The following MDGA2 variants were observed in gnomAD, a reference collection of about 807,000 sequenced individuals.
MDGA2 encodes MAM domain-containing glycosylphosphatidylinositol anchor protein 2.
A neutral mutation model predicts 117.8 loss-of-function variants in MDGA2; 40 were observed. The ratio of observed to expected loss-of-function variants is 0.34; its 90% confidence interval spans 0.26 to 0.44. The LOEUF (loss-of-function observed/expected upper bound fraction) is 0.44, where lower values mean the gene tolerates loss of function less well. Ranked by LOEUF, MDGA2 falls within the 20% of genes least tolerant of loss-of-function variation. The pLI, the probability that MDGA2 is intolerant of heterozygous loss-of-function variation, is 1.00. For synonymous variants in MDGA2, 452 were observed against 439.0 expected (o/e 1.03, Z -0.37); for missense variants, 1,123 against 1,250.6 (o/e 0.90, Z 1.54).
intron 1 of MDGA2, among the ~76,000 whole-genome samples, chr14:47,316,368 C>T (rs577919084): frequency 6.4e-4 from 98 of 152,002 alleles, no homozygotes; most frequent in Non-Finnish European, 1.1e-3. Flanking sequence ...AAAAATAAAC[C>T]GCAACTTTAT....
At chr14:47,200,852 T>C (rs966435877) in intron 3 of MDGA2, 12 of 835,048 alleles carry the variant, frequency 1.4e-5, no homozygotes, top group African/African-American at 6.7e-5. Flanking sequence ...TTTCTTGTCA[T>C]AGGGCGGTGG....
chr14:46,923,340 A>G (rs1453693114), intron 9 of MDGA2, among the ~76,000 whole-genome samples: 2 of 152,104 alleles, frequency 1.3e-5, no homozygotes, highest in Admixed American at 6.6e-5. Context: ...TACTTTAGAG[A>G]TTATTTCAAT....
chr14:47,552,588 T>C (rs1281230855), intron 1 of MDGA2, among the ~76,000 whole-genome samples: 1 of 152,108 alleles, frequency 6.6e-6, no homozygotes, highest in African/African-American at 2.4e-5. Context: ...TTTATAATGG[T>C]CCAAACCATC....
At chr14:47,154,254 T>C in intron 3 of MDGA2, among the ~76,000 whole-genome samples, 1 of 152,342 alleles carries the variant, frequency 6.6e-6, no homozygotes, top group South Asian at 2.1e-4. Context: ...TATTTTTTAG[T>C]AAATAATTAT....
intron 3 of MDGA2, among the ~76,000 whole-genome samples, chr14:47,180,568 C>T (rs900112390): frequency 5.3e-5 from 8 of 151,914 alleles, no homozygotes; most frequent in African/African-American, 1.2e-4. Flanking sequence ...AGAAAGCACA[C>T]GAAAAAAAGC....
intron 2 of MDGA2, among the ~76,000 whole-genome samples, chr14:47,279,308 G>A (rs1389793351): frequency 1.3e-5 from 2 of 151,918 alleles, no homozygotes; most frequent in Non-Finnish European, 2.9e-5. Context: ...TTTTTATCAG[G>A]CTTATTAATA....
chr14:47,592,231 G>T (rs573104349), intron 1 of MDGA2, among the ~76,000 whole-genome samples: 24 of 152,158 alleles, frequency 1.6e-4, no homozygotes, highest in African/African-American at 5.3e-4. Context: ...ACTGCTCAAG[G>T]AAATCAAAGA....
At chr14:47,615,228 A>C (rs1346128214) in intron 1 of MDGA2, among the ~76,000 whole-genome samples, 4 of 152,208 alleles carry the variant, frequency 2.6e-5, no homozygotes, top group Non-Finnish European at 4.4e-5. Context: ...TTAATAAAAA[A>C]AGATTCAGAA....
intron 2 of MDGA2, among the ~76,000 whole-genome samples, chr14:47,265,638 TA>T (rs11325423): frequency 0.22 from 31,194 of 142,138 alleles, 3,565 homozygotes; most frequent in Admixed American, 0.39. Flanking sequence ...GGGAATGCAT[TA>T]AAAAAAAAAA....
chr14:47,108,318 C>T (rs1279994823), intron 5 of MDGA2, among the ~76,000 whole-genome samples: 1 of 152,144 alleles, frequency 6.6e-6, no homozygotes, highest in Non-Finnish European at 1.5e-5. Flanking sequence ...GCAGGAATAT[C>T]AGGCCTCTGA....
chr14:47,345,330 C>T (rs1467622651), intron 1 of MDGA2, among the ~76,000 whole-genome samples: 38 of 151,990 alleles, frequency 2.5e-4, no homozygotes, highest in Admixed American at 2.2e-3. Flanking sequence ...CCCACACATG[C>T]TATAAATAGG....
intron 1 of MDGA2, among the ~76,000 whole-genome samples, chr14:47,322,091 C>T (rs993820632): frequency 3.9e-5 from 6 of 151,994 alleles, no homozygotes; most frequent in East Asian, 1.9e-4. Flanking sequence ...AGAGACAGAG[C>T]GATTCCCAGA....
intron 6 of MDGA2, among the ~76,000 whole-genome samples, chr14:47,087,446 G>A (rs2138925737): frequency 7.8e-6 from 1 of 127,566 alleles, no homozygotes; most frequent in South Asian, 2.4e-4. Context: ...AAACACAAGA[G>A]GCAGACTCCA....
intron 3 of MDGA2, among the ~76,000 whole-genome samples, chr14:47,173,707 A>G (rs1342396411): frequency 2.6e-5 from 4 of 151,718 alleles, no homozygotes; most frequent in African/African-American, 4.8e-5. Flanking sequence ...GCCAAAATGT[A>G]AAGACCATCA....
chr14:47,321,881 C>A (rs1198579854), intron 1 of MDGA2, among the ~76,000 whole-genome samples: 1 of 152,106 alleles, frequency 6.6e-6, no homozygotes, highest in African/African-American at 2.4e-5. Context: ...AAGAATGTTT[C>A]TTTAATAATT....
intron 6 of MDGA2, among the ~76,000 whole-genome samples, chr14:47,076,050 A>G (rs1234163161): frequency 6.6e-6 from 1 of 152,160 alleles, no homozygotes. Flanking sequence ...AAACTAGTGA[A>G]GAAAACTGAC....
rs544493594 is a variant in MDGA2, at chr14:47,675,540, C to T, written c.-744G>A. Among the ~76,000 whole-genome samples the T allele has an allele frequency of 9.9e-5, 15 of 152,112 alleles. No individual in the cohort carries two copies. Among genetic ancestry groups the T allele is most frequent in the Non-Finnish European group, 1.9e-4 (13 of 68,010 alleles). The stretch of plus-strand genomic sequence containing the variant: ...CCGGCCAGCGTAGAGGTGCTCTGGC[C>T]GGCCGCACCAATTCCCGGAGCCGAA... On this transcript the variant is annotated 5_prime_UTR_variant, in exon 1 of 17. Transcript: ENST00000399232.
intron 1 of MDGA2, among the ~76,000 whole-genome samples, chr14:47,406,101 T>C (rs969250591): frequency 6.6e-6 from 1 of 152,024 alleles, no homozygotes; most frequent in Admixed American, 6.5e-5. Flanking sequence ...AAGAAAGGAG[T>C]TGTTCCTAGT....
chr14:46,913,126 A>C (rs966961183), intron 10 of MDGA2, among the ~76,000 whole-genome samples: 1 of 152,018 alleles, frequency 6.6e-6, no homozygotes, highest in African/African-American at 2.4e-5. Context: ...CCCCAAAACA[A>C]AGTCAAAATT....
Sources: allele counts gnomAD v4.1 joint callset (sites outside exome capture counted in the v4.1 genomes callset), GRCh38; gene constraint gnomAD v4.1.1; transcripts MANE v1.5; gene names NCBI Gene and HGNC (gene_info 2026-07-23, HGNC 2026-07-21).